ZC3H12B: variants seen among roughly 807,000 people sequenced by gnomAD.
ZC3H12B encodes zinc finger CCCH-type containing 12B.
Under a neutral mutation model 43.9 loss-of-function variants are expected in ZC3H12B, and 7 were observed. The ratio of observed to expected loss-of-function variants is 0.16; its 90% CI spans 0.09 to 0.30. The LOEUF is 0.30. ZC3H12B is among the 10% of genes least tolerant of loss of function. ZC3H12B has a pLI of 1.00. For synonymous variants in ZC3H12B, 222 were observed against 241.7 expected (o/e 0.92, Z 0.76); for missense variants, 475 against 670.2 (o/e 0.71, Z 3.22).
At chrX:65,279,654 G>A in the ZC3H12B span, among the ~76,000 whole-genome samples, 1 of 111,561 alleles carries the variant, frequency 9.0e-6, no homozygotes, top group Non-Finnish European at 1.9e-5. Flanking sequence ...CCTGGACATA[G>A]GAACAAGCAA....
At chrX:65,300,328 G>C in the ZC3H12B span, among the ~76,000 whole-genome samples, 1 of 112,042 alleles carries the variant, frequency 8.9e-6, no homozygotes, top group Non-Finnish European at 1.9e-5. Flanking sequence ...TGTTGAGGGG[G>C]CAGGGTGGTA....
At chrX:65,459,014 A>G (rs766711718) in intron 3 of ZC3H12B, among the ~76,000 whole-genome samples, 627 of 1,116 alleles carry the variant, frequency 0.56, no homozygotes, top group South Asian at 0.6. Context: ...GCAATAAAAA[A>G]TGATAATGGG....
chrX:65,257,617 C>A, the ZC3H12B span, among the ~76,000 whole-genome samples: 19 of 109,168 alleles, frequency 1.7e-4, 1 homozygote, highest in East Asian at 2.3e-3. Flanking sequence ...AAAAAGAGAA[C>A]CTTTAAAAAA....
At chrX:65,066,681 C>G in the ZC3H12B span, among the ~76,000 whole-genome samples, 1 of 111,928 alleles carries the variant, frequency 8.9e-6, no homozygotes, top group African/African-American at 3.3e-5. Flanking sequence ...GCTGGGAGAT[C>G]CACTGCTCTC....
chrX:65,173,334 T>C, the ZC3H12B span, among the ~76,000 whole-genome samples: 1 of 111,861 alleles, frequency 8.9e-6, no homozygotes, highest in Non-Finnish European at 1.9e-5. Context: ...GAGATGATGG[T>C]GTTTTCTAAA....
chrX:65,196,524 A>C, the ZC3H12B span, among the ~76,000 whole-genome samples: 1 of 111,551 alleles, frequency 9.0e-6, no homozygotes, highest in Non-Finnish European at 1.9e-5. Flanking sequence ...TCAGTTTCAC[A>C]GGCTCAATTA....
the ZC3H12B span, among the ~76,000 whole-genome samples, chrX:65,138,735 A>G: frequency 0.083 from 9,180 of 111,083 alleles, 1,023 homozygotes; most frequent in African/African-American, 0.29. Context: ...TTTTTTCTGC[A>G]TACTTTCTAA....
rs1397068652 is a variant in ZC3H12B, at chrX:65,369,670, C to G, written n.295+672C>G. 3.6e-5 allele frequency among the ~76,000 whole-genome samples: 4 copies of G among 111,714 alleles called. No individual in the cohort carries two copies. In the East Asian group the frequency reaches 1.1e-3, roughly 31 times the overall value. On this transcript the variant is annotated intron_variant and non_coding_transcript_variant, in intron 2 of 5. Coordinates refer to the ZC3H12B transcript ENST00000617377. ...AAAAAAATTGCACTAGAGAAAGAAG[C>G]ATCCATTCTCAGGAATAAAGCATCT...
chrX:65,220,488 A>G, the ZC3H12B span, among the ~76,000 whole-genome samples: 1 of 111,972 alleles, frequency 8.9e-6, no homozygotes, highest in Non-Finnish European at 1.9e-5. Flanking sequence ...ACTCACATAA[A>G]TTTAAAGAGG....
At chrX:65,379,548 G>A (rs1005123046) in intron 2 of ZC3H12B, among the ~76,000 whole-genome samples, 3 of 112,236 alleles carry the variant, frequency 2.7e-5, no homozygotes, top group African/African-American at 6.5e-5. Flanking sequence ...AAAGCAGAGC[G>A]CCTCTCCTCC....
At chrX:65,041,583 G>A in the ZC3H12B span, among the ~76,000 whole-genome samples, 2 of 112,075 alleles carry the variant, frequency 1.8e-5, no homozygotes, top group African/African-American at 3.2e-5. Context: ...ACTGCTTTCA[G>A]ATGTTTTAAA....
At position 65,455,690 on chromosome X, in the gene ZC3H12B, T is replaced by A. The variant is rs923457586; in HGVS notation, n.408-32956T>A. ...CACATAATTGTCAGATTCACCAAAGTTGAAATGAAGGAAAAAATATTAAGG... is the reference window on the plus strand; with the variant it reads ...CACATAATTGTCAGATTCACCAAAGATGAAATGAAGGAAAAAATATTAAGG... On this transcript the variant is annotated intron_variant and non_coding_transcript_variant, in intron 3 of 5. Transcript: ENST00000617377. Among the ~76,000 whole-genome samples the A allele has an allele frequency of 2.6e-4, 29 of 111,031 alleles. 1 individual carries two copies. The Middle Eastern group carries it at 0.018, about 71-fold the overall frequency.
the ZC3H12B span, among the ~76,000 whole-genome samples, chrX:65,171,721 C>T: frequency 9.0e-6 from 1 of 111,012 alleles, no homozygotes; most frequent in African/African-American, 3.3e-5. Flanking sequence ...CTTTGTTTAA[C>T]TACTCAAGCC....
the ZC3H12B span, among the ~76,000 whole-genome samples, chrX:65,052,276 T>G: frequency 9.0e-6 from 1 of 111,555 alleles, no homozygotes; most frequent in Non-Finnish European, 1.9e-5. Context: ...TCATGGAGAA[T>G]AGGGTATATA....
At chrX:65,245,942 G>A in the ZC3H12B span, among the ~76,000 whole-genome samples, 2 of 111,169 alleles carry the variant, frequency 1.8e-5, no homozygotes, top group Admixed American at 9.5e-5. Flanking sequence ...AAAAGAAAGG[G>A]CATCCAAATA....
chrX:65,421,325 G>A (rs2067014755), intron 3 of ZC3H12B, among the ~76,000 whole-genome samples: 1 of 111,978 alleles, frequency 8.9e-6, no homozygotes, highest in Admixed American at 9.5e-5. Flanking sequence ...TTATGCATGG[G>A]CTCAGCAACA....
the ZC3H12B span, among the ~76,000 whole-genome samples, chrX:65,176,099 G>C: frequency 8.9e-6 from 1 of 112,106 alleles, no homozygotes; most frequent in African/African-American, 3.2e-5. Context: ...TAGCTCAGCA[G>C]ATCCCACACC....
chrX:65,282,458 A>T, the ZC3H12B span, among the ~76,000 whole-genome samples: 1 of 112,030 alleles, frequency 8.9e-6, no homozygotes, highest in African/African-American at 3.2e-5. Context: ...AATAAAAGGC[A>T]TCTAAGTCAA....
chrX:65,354,058 C>T, the ZC3H12B span, among the ~76,000 whole-genome samples: 2 of 111,739 alleles, frequency 1.8e-5, no homozygotes, highest in East Asian at 5.7e-4. Context: ...TTAAACGTTC[C>T]TACCTGTCGG....
Sources: gnomAD v4.1 joint callset for allele counts (sites outside exome capture counted in the v4.1 genomes callset) on GRCh38, gnomAD v4.1.1 for gene constraint, MANE v1.5 for transcripts, NCBI Gene and HGNC (gene_info 2026-07-23, HGNC 2026-07-21) for gene names.